CACNB2: variants seen among roughly 807,000 people sequenced by gnomAD.
CACNB2 encodes the protein calcium voltage-gated channel auxiliary subunit beta 2.
In CACNB2, 42 loss-of-function variants were observed where a neutral mutation model predicts 73.3. The ratio of observed to expected loss-of-function variants is 0.57; its 90% CI spans 0.45 to 0.74. CACNB2 has a LOEUF of 0.74. Among genes scored for constraint, CACNB2 ranks in the 30% least tolerant of loss-of-function variants. The pLI, the probability that CACNB2 is intolerant of heterozygous loss-of-function variation, is 0.00. For synonymous variants in CACNB2, 348 were observed against 310.3 expected, an observed-to-expected ratio of 1.12 and a Z score of -1.28; for missense variants, 940 against 853.0, an observed-to-expected ratio of 1.10 and a Z score of -1.27.
chr10:18,354,159 C>G (rs2041822106), intron 2 of CACNB2, among the ~76,000 whole-genome samples: 1 of 152,130 alleles, frequency 6.6e-6, no homozygotes, highest in Admixed American at 6.5e-5. Flanking sequence ...TGTATGACCC[C>G]TATAGACCTC....
At chr10:18,274,827 C>T (rs571997596) in intron 2 of CACNB2, among the ~76,000 whole-genome samples, 11 of 152,180 alleles carry the variant, frequency 7.2e-5, no homozygotes, top group East Asian at 1.9e-4. Context: ...AATGAATCCC[C>T]GCTTCAAAGG....
At chr10:18,220,243 A>AGGGGGG (rs1374853215) in intron 2 of CACNB2, among the ~76,000 whole-genome samples, 1 of 89,340 alleles carries the variant, frequency 1.1e-5, no homozygotes, top group Non-Finnish European at 2.0e-5. Context: ...AGAGAGAGAG[A>AGGGGGG]GAGAGAGAGA....
chr10:18,154,801 G>T (rs1342366140), intron 2 of CACNB2, among the ~76,000 whole-genome samples: 2 of 152,106 alleles, frequency 1.3e-5, no homozygotes, highest in African/African-American at 2.4e-5. Flanking sequence ...AGAGAATGAG[G>T]TTGCATGCAC....
chr10:18,333,706 A>G (rs996525007), intron 2 of CACNB2, among the ~76,000 whole-genome samples: 1 of 152,188 alleles, frequency 6.6e-6, no homozygotes, highest in African/African-American at 2.4e-5. Flanking sequence ...ATTTGTACAC[A>G]TAGCATGGTC....
At chr10:18,310,424 G>T (rs1165352327) in intron 2 of CACNB2, among the ~76,000 whole-genome samples, 1 of 150,654 alleles carries the variant, frequency 6.6e-6, no homozygotes, top group Non-Finnish European at 1.5e-5. Context: ...TGACCAACAT[G>T]GAGAAACCCC....
intron 3 of CACNB2, among the ~76,000 whole-genome samples, chr10:18,479,392 C>A (rs958198713): frequency 1.3e-5 from 2 of 152,030 alleles, no homozygotes; most frequent in African/African-American, 2.4e-5. Flanking sequence ...AATAAAAATT[C>A]TAGTTAGATG....
At position 18,436,024 on chromosome 10, in the gene CACNB2, G is replaced by C. The variant is rs151127777; in HGVS notation, c.333+33981G>C. On this transcript the variant is annotated intron_variant, in intron 3 of 13. Transcript: ENST00000324631. ...GACTTTAAGTACTCTAAAATGCTTA[G>C]ATCATTTTTAGAGAATTGATAAGTT... 2.0e-5 allele frequency among the ~76,000 whole-genome samples: 3 copies of C among 152,300 alleles called. No homozygotes were observed. The East Asian group carries it at 5.8e-4, about 29-fold the overall frequency.
chr10:18,536,272 T>TG, intron 12 of CACNB2, 76 bp downstream of exon 12: 132 of 321,080 alleles, frequency 4.1e-4, no homozygotes, highest in Non-Finnish European at 6.0e-4. Flanking sequence ...TTTTTTTTTT[T>TG]TGGGGGACAA....
At chr10:18,164,842 G>A (rs2032736040) in intron 2 of CACNB2, among the ~76,000 whole-genome samples, 1 of 152,030 alleles carries the variant, frequency 6.6e-6, no homozygotes, top group African/African-American at 2.4e-5. Flanking sequence ...AAACTGCGTG[G>A]GAAACAGGCC....
chr10:18,375,702 C>T, intron 2 of CACNB2, among the ~76,000 whole-genome samples: 1 of 152,164 alleles, frequency 6.6e-6, no homozygotes, highest in South Asian at 2.1e-4. Flanking sequence ...TTTATTCATA[C>T]ATCTGAAGCC....
intron 3 of CACNB2, among the ~76,000 whole-genome samples, chr10:18,417,945 A>G (rs2045090473): frequency 1.3e-5 from 2 of 152,340 alleles, no homozygotes; most frequent in South Asian, 4.1e-4. Flanking sequence ...GGAACAAACT[A>G]AAAATTACAG....
At chr10:18,236,416 G>T (rs1444049049) in intron 2 of CACNB2, among the ~76,000 whole-genome samples, 1 of 152,212 alleles carries the variant, frequency 6.6e-6, no homozygotes, top group Non-Finnish European at 1.5e-5. Context: ...AACAGGTGAG[G>T]TAGAGAGAAA....
rs760606646 is a variant in CACNB2, at chr10:18,500,865, C to T, written c.510C>T (p.Ile170=). 62 of 1,613,644 alleles carry T rather than the reference C, an allele frequency of 3.8e-5. No homozygotes were observed. Among genetic ancestry groups the T allele is most frequent in the Non-Finnish European group, 5.0e-5 (59 of 1,179,732 alleles). Residue 170 remains isoleucine (I), a synonymous_variant, in exon 5 of 14, where the codon ATC becomes ATT. Coordinates refer to ENST00000324631, the MANE Select transcript of CACNB2 (RefSeq NM_201596.3). ...GATTGGTAAAAGAAGGCTGTGAAAT[C>T]GGATTCATTCCAAGCCCAGTCAAAC... ...IGRLVKEGCE[I]GFIPSPVKLE... is the part of the protein sequence containing the mutation.
At chr10:18,466,517 AGCT>A (rs1306622397) in intron 3 of CACNB2, among the ~76,000 whole-genome samples, 1 of 152,074 alleles carries the variant, frequency 6.6e-6, no homozygotes, top group African/African-American at 2.4e-5. Flanking sequence ...ATTTCTCATC[AGCT>A]TGGTTTTTTG....
intron 2 of CACNB2, among the ~76,000 whole-genome samples, chr10:18,281,885 C>A (rs1479071703): frequency 7.0e-6 from 1 of 143,360 alleles, no homozygotes; most frequent in African/African-American, 2.6e-5. Flanking sequence ...GAGGCTAAGG[C>A]AGGAGAATCA....
At chr10:18,220,224 TATATATATAGAGAGAGAG>T (rs1183978680) in intron 2 of CACNB2, among the ~76,000 whole-genome samples, 14 of 48,028 alleles carry the variant, frequency 2.9e-4, no homozygotes, top group African/African-American at 1.8e-3. Context: ...TATATATATA[TATATATATAGAGAGAGAG>T]AGAGAGAGAG....
At chr10:18,400,238 C>T (rs1375914628) in intron 2 of CACNB2, among the ~76,000 whole-genome samples, 1 of 152,194 alleles carries the variant, frequency 6.6e-6, no homozygotes, top group African/African-American at 2.4e-5. Flanking sequence ...TTGATTTTTG[C>T]TATGCAATAT....
At chr10:18,287,678 C>T (rs1458566381) in intron 2 of CACNB2, among the ~76,000 whole-genome samples, 1 of 152,092 alleles carries the variant, frequency 6.6e-6, no homozygotes, top group East Asian at 1.9e-4. Context: ...TAACAAAACC[C>T]CATTCCTACA....
rs2030336333 is a variant in CACNB2 at position 18,141,097 on chromosome 10, G to C, written c.120+241G>C. On this transcript the variant is annotated intron_variant, in intron 1 of 13. Coordinates refer to ENST00000324631, the MANE Select transcript of CACNB2 (RefSeq NM_201596.3). ...AAAGCCAGTGGGGAAGGGCGGGGGA[G>C]ACCTGCCAGTCCTCCCAGACTTCTC... 3 of 1,549,056 alleles carry C rather than the reference G, an allele frequency of 1.9e-6. No individual in the cohort carries two copies. The African/African-American group carries it at 4.1e-5, about 21-fold the overall frequency.
Sources: gnomAD v4.1 joint callset for allele counts (sites outside exome capture counted in the v4.1 genomes callset) on GRCh38, gnomAD v4.1.1 for gene constraint, MANE v1.5 for transcripts, NCBI Gene and HGNC (gene_info 2026-07-23, HGNC 2026-07-21) for gene names.